The following NTM variants were observed in gnomAD, a reference collection of about 807,000 sequenced individuals.
NTM encodes the protein neurotrimin, also known as IgLON family member 2.
In NTM, 13 loss-of-function variants were observed where a neutral mutation model predicts 42.1. The ratio of observed to expected loss-of-function variants is 0.31; its 90% CI spans 0.20 to 0.49. The LOEUF is 0.49. Among genes scored for constraint, NTM ranks in the 20% least tolerant of loss-of-function variants. NTM has a pLI of 0.99. For missense variants in NTM, 373 were observed against 452.8 expected, an observed-to-expected ratio of 0.82 and a Z score of 1.60; for synonymous variants, 187 against 179.2, an observed-to-expected ratio of 1.04 and a Z score of -0.35.
At chr11:132,163,447 T>C (rs755293029) in intron 3 of NTM, among the ~76,000 whole-genome samples, 2 of 152,218 alleles carry the variant, frequency 1.3e-5, no homozygotes, top group Non-Finnish European at 2.9e-5. Context: ...AACCTGATTA[T>C]GTGGCAGCCA....
chr11:132,174,041 T>G (rs2076455862), intron 3 of NTM, among the ~76,000 whole-genome samples: 1 of 152,210 alleles, frequency 6.6e-6, no homozygotes, highest in African/African-American at 2.4e-5. Flanking sequence ...TGGTCCTATC[T>G]GGTCCCTGAT....
intron 2 of NTM, among the ~76,000 whole-genome samples, chr11:132,095,235 C>T (rs758123683): frequency 2.6e-5 from 4 of 152,152 alleles, no homozygotes; most frequent in South Asian, 2.1e-4. Context: ...TACTTCTCCC[C>T]GCCTTTCTGA....
intron 1 of NTM, among the ~76,000 whole-genome samples, chr11:131,906,748 G>C (rs2053916907): frequency 6.6e-6 from 1 of 152,108 alleles, no homozygotes. Flanking sequence ...AAAGTCCATA[G>C]ATAGCCTCAC....
At chr11:132,230,700 C>A (rs2087356865) in intron 4 of NTM, among the ~76,000 whole-genome samples, 1 of 152,216 alleles carries the variant, frequency 6.6e-6, no homozygotes, top group African/African-American at 2.4e-5. Flanking sequence ...TGAGGTAACT[C>A]ATGTAAATGC....
In NTM at chr11:131,402,310, A is replaced by G. The variant is rs1053732509; in HGVS notation, c.82+31422A>G. 4.6e-5 allele frequency among the ~76,000 whole-genome samples: 7 copies of G among 152,150 alleles called. No homozygotes were observed. The East Asian group carries it at 9.7e-4, about 21-fold the overall frequency. ...TTCCTTACACAAGAACTTGTCTAGG[A>G]TTCAGCAGTTTATACTGAGGTGTTC... On this transcript the variant is annotated intron_variant, in intron 1 of 8. Transcript: ENST00000683400.
At chr11:131,389,014 A>AAAAAAAAAAAAAAAAG (rs1943668270) in intron 1 of NTM, among the ~76,000 whole-genome samples, 2 of 46,424 alleles carry the variant, frequency 4.3e-5, no homozygotes, top group Non-Finnish European at 9.8e-5. Flanking sequence ...CTTCATCACA[A>AAAAAAAAAAAAAAAAG]AAAAAAAAAA....
At chr11:132,132,316 A>C (rs1418852092) in intron 2 of NTM, among the ~76,000 whole-genome samples, 1 of 152,118 alleles carries the variant, frequency 6.6e-6, no homozygotes, top group Admixed American at 6.5e-5. Flanking sequence ...AATTGGGTCT[A>C]TTTCTTTCTG....
intron 1 of NTM, among the ~76,000 whole-genome samples, chr11:131,736,978 C>T (rs1486995630): frequency 6.6e-6 from 1 of 152,232 alleles, no homozygotes; most frequent in Admixed American, 6.5e-5. Context: ...TTGCAAGAGT[C>T]TCATACAGTG....
chr11:132,204,786 G>A (rs1427614976), intron 3 of NTM, among the ~76,000 whole-genome samples: 2 of 152,164 alleles, frequency 1.3e-5, no homozygotes, highest in African/African-American at 2.4e-5. Context: ...GTGTGGATGA[G>A]AGAAGGGAGG....
intron 1 of NTM, among the ~76,000 whole-genome samples, chr11:131,760,551 C>G (rs1249214987): frequency 2.0e-5 from 3 of 152,140 alleles, no homozygotes; most frequent in Non-Finnish European, 2.9e-5. Flanking sequence ...CGTTCTGATT[C>G]CCCCGCTCAG....
chr11:131,650,760 AT>A, intron 1 of NTM, among the ~76,000 whole-genome samples: 1 of 152,278 alleles, frequency 6.6e-6, no homozygotes, highest in African/African-American at 2.4e-5. Flanking sequence ...AGAAAAAAAA[AT>A]ACCAAATTTA....
chr11:131,422,581 A>G (rs905699397), intron 1 of NTM, among the ~76,000 whole-genome samples: 4 of 152,336 alleles, frequency 2.6e-5, no homozygotes, highest in South Asian at 4.1e-4. Context: ...GCATCTTTCA[A>G]AGTAAATTGG....
At chr11:131,745,459 CG>C (rs1565493725) in intron 1 of NTM, among the ~76,000 whole-genome samples, 1 of 152,200 alleles carries the variant, frequency 6.6e-6, no homozygotes, top group African/African-American at 2.4e-5. Flanking sequence ...GTATCAGAAT[CG>C]CTATTTTTGC....
chr11:131,746,677 C>A (rs374849915), intron 1 of NTM, among the ~76,000 whole-genome samples: 1 of 152,094 alleles, frequency 6.6e-6, no homozygotes. Flanking sequence ...ATTTAAATAA[C>A]CTTTATCTTC....
intron 1 of NTM, among the ~76,000 whole-genome samples, chr11:131,797,437 T>C (rs1378713747): frequency 6.6e-6 from 1 of 152,190 alleles, no homozygotes; most frequent in Non-Finnish European, 1.5e-5. Context: ...AGCATTTGAG[T>C]ATGACTATGG....
At chr11:131,657,041 C>CG (rs144931162) in intron 1 of NTM, among the ~76,000 whole-genome samples, 2,320 of 150,838 alleles carry the variant, frequency 0.015, 56 homozygotes, top group African/African-American at 0.05. Context: ...GCATTGTTAG[C>CG]GGGGAGGAAG....
chr11:131,822,048 A>T (rs1482532176), intron 1 of NTM, among the ~76,000 whole-genome samples: 1 of 152,190 alleles, frequency 6.6e-6, no homozygotes, highest in East Asian at 1.9e-4. Context: ...ACACTTTTAG[A>T]GCTCCCTTTA....
Position 131,663,872 on chromosome 11 carries a change from A to C in NTM, c.83-247692A>C, listed in dbSNP as rs547440520. Among the ~76,000 whole-genome samples, 4 of 152,370 alleles carry C rather than the reference A, an allele frequency of 2.6e-5. No individual in the cohort carries two copies. In the South Asian group the frequency reaches 8.3e-4, roughly 32 times the overall value. ...TATCATCCTCTTCTTACAAACAAGA[A>C]AATCCAGGCTTAAAGCGATGAGATA... On this transcript the variant is annotated intron_variant, in intron 1 of 8. Coordinates refer to ENST00000683400, the MANE Select transcript of NTM (RefSeq NM_001352005.2).
intron 1 of NTM, among the ~76,000 whole-genome samples, chr11:131,770,411 A>C (rs2085876566): frequency 6.6e-6 from 1 of 152,158 alleles, no homozygotes; most frequent in Non-Finnish European, 1.5e-5. Context: ...ATCAGCCACA[A>C]AAGTACTCAC....
Sources: allele counts gnomAD v4.1 joint callset (sites outside exome capture counted in the v4.1 genomes callset), GRCh38; gene constraint gnomAD v4.1.1; transcripts MANE v1.5; gene names NCBI Gene and HGNC (gene_info 2026-07-23, HGNC 2026-07-21).